Variants in CTTNBP2NL observed in about 807,000 individuals in gnomAD.
The protein encoded by CTTNBP2NL is CTTNBP2 N-terminal-like protein.
CTTNBP2NL carries 16 observed loss-of-function variants against 32.5 expected under a neutral mutation model. The observed-to-expected ratio is 0.49, with a 90% confidence interval of 0.33 to 0.75. CTTNBP2NL has a LOEUF of 0.75. CTTNBP2NL is among the 30% of genes least tolerant of loss of function. The pLI, the probability that CTTNBP2NL is intolerant of heterozygous loss-of-function variation, is 0.02. For missense variants in CTTNBP2NL, 645 were observed against 756.0 expected (o/e 0.85, Z 1.72); for synonymous variants, 298 against 289.4 (o/e 1.03, Z -0.30).
intron 3 of CTTNBP2NL, among the ~76,000 whole-genome samples, chr1:112,420,684 G>A (rs1322377901): frequency 6.6e-6 from 1 of 151,906 alleles, no homozygotes; most frequent in African/African-American, 2.4e-5. Flanking sequence ...ACCCAGGCTG[G>A]TTTCGAACTC....
intron 1 of CTTNBP2NL, among the ~76,000 whole-genome samples, chr1:112,397,158 T>C (rs1253730441): frequency 6.6e-6 from 1 of 152,232 alleles, no homozygotes; most frequent in Non-Finnish European, 1.5e-5. Flanking sequence ...ATGCAGTATA[T>C]GTTGCTTGAC....
At position 112,446,759 on chromosome 1, in the gene CTTNBP2NL, A is replaced by G. The variant is rs143712229; in HGVS notation, c.100-2183A>G. ...GAGACAAGGTCTCCCTATTTTGCCC[A>G]GTTTGGTCTTAAACTCCTGGGCTCA... is the stretch of plus-strand genomic sequence containing the variant. On this transcript the variant is annotated intron_variant, in intron 3 of 5. Transcript: ENST00000271277. Among the ~76,000 whole-genome samples the G allele has an allele frequency of 2.5e-4, 38 of 152,158 alleles. 1 individual carries two copies. The East Asian group carries it at 7.2e-3, about 29-fold the overall frequency.
chr1:112,447,266 T>A (rs1477912057), intron 3 of CTTNBP2NL, among the ~76,000 whole-genome samples: 2 of 101,854 alleles, frequency 2.0e-5, no homozygotes, highest in African/African-American at 3.9e-5. Context: ...AGAGCGAGAC[T>A]CCATCTAAAA....
upstream of CTTNBP2NL, among the ~76,000 whole-genome samples, chr1:112,393,420 A>T (rs1368264875): frequency 2.0e-5 from 3 of 152,210 alleles, no homozygotes. Flanking sequence ...CTGACACAAT[A>T]GGCATTTAAT....
At chr1:112,392,086 A>G (rs1216087420), upstream of CTTNBP2NL, among the ~76,000 whole-genome samples, 1 of 152,186 alleles carries the variant, frequency 6.6e-6, no homozygotes, top group Admixed American at 6.5e-5. Context: ...CTATAAATCA[A>G]AATTGAAAAT....
Position 112,457,024 on chromosome 1 carries a change from G to T in CTTNBP2NL, c.1532G>T (p.Arg511Ile), listed in dbSNP as rs1650389233. The T allele has an allele frequency of 1.9e-6, 3 of 1,613,926 alleles. No homozygotes were observed. In the Admixed American group the frequency reaches 5.0e-5, roughly 27 times the overall value. Residue 511 changes from arginine (R) to isoleucine (I), a missense_variant, in exon 6 of 6, where the codon AGA (arginine) becomes ATA (isoleucine). Coordinates refer to ENST00000271277, the MANE Select transcript of CTTNBP2NL (RefSeq NM_018704.3). Reference sequence around the variant, plus strand: ...AACACAGTCACTCAGGTGCTCTCCAGATTCACTAGCCAACAAGGGCCAATC... The same window carrying T: ...AACACAGTCACTCAGGTGCTCTCCATATTCACTAGCCAACAAGGGCCAATC... ...ARNTVTQVLS[R>I]FTSQQGPIKP...
chr1:112,411,919 A>G (rs1648879494), intron 1 of CTTNBP2NL, among the ~76,000 whole-genome samples: 1 of 152,216 alleles, frequency 6.6e-6, no homozygotes. Context: ...GGAAGAGAAA[A>G]GTCAGAAGTT....
chr1:112,412,348 A>G (rs1165082778), intron 2 of CTTNBP2NL, 31 bp downstream of exon 2: 4 of 152,186 alleles, frequency 2.6e-5, no homozygotes, highest in Non-Finnish European at 2.9e-5. Flanking sequence ...CAAGGATATC[A>G]CTGCTATCCT....
In CTTNBP2NL at chr1:112,454,388, G is replaced by A; in HGVS notation, c.331-61G>A. On this transcript the variant is annotated intron_variant, in intron 4 of 5. Coordinates refer to ENST00000271277, the MANE Select transcript of CTTNBP2NL (RefSeq NM_018704.3). ...GTGCCTGATTTGGCACTTATTATTG[G>A]TTGTATTAATAAATGTGACTCCTTG... 2.4e-6 allele frequency: 3 copies of A among 1,244,576 alleles called. No individual in the cohort carries two copies. The South Asian group carries it at 3.7e-5, about 15-fold the overall frequency. 77.1% of individuals were successfully genotyped at this position (1,244,576 alleles called of 1,614,324 possible). A position where few individuals can be genotyped will look rare whatever the true frequency, so the allele number is the denominator to read the frequency against.
chr1:112,413,206 C>T (rs1346819538), intron 2 of CTTNBP2NL, among the ~76,000 whole-genome samples: 1 of 151,970 alleles, frequency 6.6e-6, no homozygotes, highest in African/African-American at 2.4e-5. Flanking sequence ...TGTATATGTA[C>T]CTCTTATTTT....
intron 1 of CTTNBP2NL, among the ~76,000 whole-genome samples, chr1:112,408,039 A>G (rs1452317680): frequency 6.6e-6 from 1 of 150,838 alleles, no homozygotes; most frequent in Non-Finnish European, 1.5e-5. Context: ...TAGGGACAGG[A>G]TTTTGCCATG....
intron 1 of CTTNBP2NL, among the ~76,000 whole-genome samples, chr1:112,405,152 T>C (rs528334070): frequency 6.6e-6 from 1 of 152,384 alleles, no homozygotes; most frequent in Non-Finnish European, 1.5e-5. Context: ...TTTTAAAATG[T>C]TCAATGATAA....
chr1:112,392,892 T>C (rs190507766), upstream of CTTNBP2NL, among the ~76,000 whole-genome samples: 18 of 151,994 alleles, frequency 1.2e-4, no homozygotes, highest in East Asian at 3.5e-3. Context: ...GTTTCGCTCT[T>C]TGTTGCCCAG....
chr1:112,454,856 G>T (rs957244522), intron 5 of CTTNBP2NL, among the ~76,000 whole-genome samples: 13 of 152,130 alleles, frequency 8.5e-5, no homozygotes, highest in Admixed American at 2.0e-4. Context: ...TTGTTCCGTA[G>T]AACACTCTTT....
chr1:112,391,412 G>A (rs188824945), upstream of CTTNBP2NL, among the ~76,000 whole-genome samples: 66 of 152,294 alleles, frequency 4.3e-4, no homozygotes, highest in African/African-American at 1.5e-3. Flanking sequence ...ATCTTAATAA[G>A]TCCCAGTCCA....
intron 3 of CTTNBP2NL, among the ~76,000 whole-genome samples, chr1:112,423,671 T>C (rs967350501): frequency 6.6e-6 from 1 of 152,140 alleles, no homozygotes; most frequent in Non-Finnish European, 1.5e-5. Flanking sequence ...CTCTTAACTG[T>C]ATCTTTTGAA....
At chr1:112,411,685 ATT>A (rs5777111) in intron 1 of CTTNBP2NL, among the ~76,000 whole-genome samples, 282 of 144,560 alleles carry the variant, frequency 2.0e-3, no homozygotes, top group East Asian at 6.9e-3. Context: ...TGTAATTATG[ATT>A]TTTTTTTTTT....
At chr1:112,441,047 A>C (rs1253812322) in intron 3 of CTTNBP2NL, among the ~76,000 whole-genome samples, 1 of 152,184 alleles carries the variant, frequency 6.6e-6, no homozygotes. Context: ...TACATTGTTT[A>C]ACTGGAGGTA....
At position 112,455,967 on chromosome 1, in the gene CTTNBP2NL, A is replaced by G. The variant is rs1570748341; in HGVS notation, c.475A>G (p.Lys159Glu). The change falls in exon 6 of 6, where the codon AAA (lysine) becomes GAA (glutamate). Residue 159 changes from lysine (K) to glutamate (E), a missense_variant. Physicochemically the swap from Lys to Glu is moderately conservative, Grantham distance 56. Transcript: ENST00000271277. ...FEKSQVKKFE[K>E]EQKKLSSQLE... Reference sequence around the variant, plus strand: ...AAAATCCCAAGTGAAAAAGTTTGAAAAAGAACAGAAGAAGCTCTCTAGTCA... The same window carrying G: ...AAAATCCCAAGTGAAAAAGTTTGAAGAAGAACAGAAGAAGCTCTCTAGTCA... 1.3e-6 allele frequency: 2 copies of G among 1,583,416 alleles called. No homozygotes were observed. The highest frequency in any genetic ancestry group is 1.7e-6 in the Non-Finnish European group (2 of 1,170,276).
Sources: gnomAD v4.1 joint callset for allele counts (sites outside exome capture counted in the v4.1 genomes callset) on GRCh38, gnomAD v4.1.1 for gene constraint, MANE v1.5 for transcripts, NCBI Gene and HGNC (gene_info 2026-07-23, HGNC 2026-07-21) for gene names.